The following TOP3B variants were observed in gnomAD, a reference collection of about 807,000 sequenced individuals.
TOP3B encodes DNA topoisomerase 3-beta-1.
TOP3B carries 45 observed loss-of-function variants against 93.9 expected under a neutral mutation model. The observed-to-expected ratio is 0.48, with a 90% CI of 0.38 to 0.61. TOP3B has a LOEUF of 0.61. TOP3B is among the 20% of genes least tolerant of loss of function. TOP3B has a pLI of 0.00. For missense variants in TOP3B, 750 were observed against 1,156.1 expected (o/e 0.65, Z 5.09); for synonymous variants, 357 against 472.6 (o/e 0.76, Z 3.17).
At chr22:21,960,775 GGCTT>G in intron 13 of TOP3B, 1 of 305,532 alleles carries the variant, frequency 3.3e-6, no homozygotes, top group South Asian at 3.8e-5. Flanking sequence ...TGACTTCTAT[GGCTT>G]CTCCTGCCTG....
chr22:21,972,374 G>A (rs1569154758), intron 4 of TOP3B: 3 of 485,964 alleles, frequency 6.2e-6, no homozygotes, highest in African/African-American at 4.0e-5. Context: ...GACCAAACAA[G>A]CTATTTTAAA....
chr22:21,970,218 T>C lies in TOP3B; in HGVS notation c.573A>G (p.Ala191=), dbSNP rs760594632. Residue 191 remains alanine (A), a synonymous_variant, in exon 6 of 18, where the codon GCA becomes GCG. Transcript: ENST00000357179. This position sits in a 1 kb window ranked among gnomAD's most constrained non-coding sequence, Gnocchi z 4.4. The part of the protein sequence containing the change: ...RQELDLRIGC[A]FTRFQTKYFQ... ...GCGGGTGTGGCCAGCACCTGGTGAA[T>C]GCACAGCCGATTCGCAGGTCCAGCT... 1.2e-6 allele frequency: 2 copies of C among 1,611,178 alleles called. No individual in the cohort carries two copies. Among genetic ancestry groups the C allele is most frequent in the African/African-American group, 1.3e-5 (1 of 74,902 alleles).
chr22:21,965,264 G>C (rs758764913), intron 9 of TOP3B, 21 bp downstream of exon 9: 1 of 1,557,700 alleles, frequency 6.4e-7, no homozygotes. Context: ...CTGGTGACTT[G>C]AGAGAAATGT....
At chr22:21,974,255 G>T in intron 3 of TOP3B, 102 bp downstream of exon 3, 1 of 1,431,212 alleles carries the variant, frequency 7.0e-7, no homozygotes, top group Non-Finnish European at 9.5e-7. Flanking sequence ...TCATGGAGTT[G>T]GGACAAACTT....
chr22:21,958,039 G>T lies in TOP3B; in HGVS notation c.2108-444C>A, dbSNP rs1030701934. On this transcript the variant is annotated intron_variant, in intron 17 of 17. Transcript: ENST00000357179. ...TTTCTGCAGAGCACACGGTGAATGT[G>T]GGCAGATGCCTCACTCCCGCTGATT... 33 of 1,309,334 alleles carry T rather than the reference G, an allele frequency of 2.5e-5. No individual in the cohort carries two copies. The African/African-American group carries it at 4.6e-4, about 18-fold the overall frequency. The allele number at this position is 1,309,334 out of a possible 1,614,324, so 81.1% of individuals were successfully genotyped here.
intron 1 of TOP3B, 136 bp from the exon 2 acceptor site, chr22:21,975,943 C>T (rs778098226): frequency 5.3e-5 from 25 of 474,624 alleles, no homozygotes; most frequent in Non-Finnish European, 8.1e-5. Context: ...ATTAGGGAAA[C>T]TTGAAGACAT....
intron 13 of TOP3B, 46 bp from the exon 14 acceptor site, chr22:21,960,495 C>A: frequency 6.2e-7 from 1 of 1,608,584 alleles, no homozygotes; most frequent in Non-Finnish European, 8.5e-7. Flanking sequence ...CTTGGACATG[C>A]CCCACTGAAC....
At chr22:21,966,561 G>C (rs2071422154) in intron 8 of TOP3B, 1 of 152,218 alleles carries the variant, frequency 6.6e-6, no homozygotes, top group Non-Finnish European at 1.5e-5. Flanking sequence ...AACTATTCTG[G>C]AATTTGTGTA....
chr22:21,978,287 G>A (rs1160644559), intron 1 of TOP3B, among the ~76,000 whole-genome samples: 1 of 152,018 alleles, frequency 6.6e-6, no homozygotes, highest in Non-Finnish European at 1.5e-5. Context: ...GGCAGAGCTG[G>A]GCATGGGCTC....
chr22:21,977,221 T>C (rs2071910795), intron 1 of TOP3B: 1 of 151,984 alleles, frequency 6.6e-6, no homozygotes, highest in Non-Finnish European at 1.5e-5. Flanking sequence ...AATAAAATAA[T>C]CTCAGCATAA....
intron 17 of TOP3B, chr22:21,957,987 T>G: frequency 4.4e-6 from 6 of 1,360,474 alleles, no homozygotes; most frequent in Non-Finnish European, 5.8e-6. Flanking sequence ...CGGGGCAGCC[T>G]GGGTGCAGAC....
At position 21,970,789 on chromosome 22, in the gene TOP3B, T is replaced by C. The variant is rs961350094; in HGVS notation, c.385-383A>G. ...CCAAACCCATCCCATGTGACACGAT[T>C]CCCTGCCTTCTAGGAGGGAGGGTTT... On this transcript the variant is annotated intron_variant, in intron 5 of 17. Coordinates refer to ENST00000357179, the MANE Select transcript of TOP3B (RefSeq NM_001282112.2). The surrounding 1 kb of genome is among the most constrained non-coding windows in gnomAD (Gnocchi z 4.4). 3 of 291,836 alleles carry C rather than the reference T, an allele frequency of 1.0e-5. No homozygotes were observed. The highest frequency in any genetic ancestry group is 6.5e-5 in the African/African-American group (3 of 46,426). 18.1% of individuals were successfully genotyped at this position (291,836 alleles called of 1,614,324 possible).
intron 15 of TOP3B, 104 bp downstream of exon 15, chr22:21,959,483 A>G (rs558448672): frequency 7.2e-5 from 109 of 1,516,776 alleles, no homozygotes; most frequent in Non-Finnish European, 9.0e-5. Flanking sequence ...CCTGAAGCCC[A>G]GATCTGGGAG....
intron 13 of TOP3B, 161 bp from the exon 14 acceptor site, chr22:21,960,610 GGGCACCAACTGCAT>G (rs1220939967): frequency 1.8e-5 from 17 of 926,274 alleles, no homozygotes; most frequent in Non-Finnish European, 2.7e-5. Flanking sequence ...GCACTGTGCT[GGGCACCAACTGCAT>G]GCATTTCATG....
At chr22:21,969,016 C>A (rs1163797270) in intron 6 of TOP3B, 2 of 508,436 alleles carry the variant, frequency 3.9e-6, no homozygotes, top group South Asian at 2.5e-5. Context: ...GGCCAGGGAG[C>A]CTTCTATTCT....
chr22:21,970,473 G>A lies in TOP3B; in HGVS notation c.385-67C>T. On this transcript the variant is annotated intron_variant, in intron 5 of 17. Coordinates refer to ENST00000357179, the MANE Select transcript of TOP3B (RefSeq NM_001282112.2). This position sits in a 1 kb window ranked among gnomAD's most constrained non-coding sequence, Gnocchi z 4.4. ...CCCTGCCACAGCTCCCCACCCCACT[G>A]TGAAGCCTGGTTCCTTCCAGGAAAG... 6.5e-7 allele frequency: 1 copy of A among 1,533,204 alleles called. No homozygotes were observed. The allele number at this position is 1,533,204 out of a possible 1,614,324, so 95.0% of individuals were successfully genotyped here. A position where few individuals can be genotyped will look rare whatever the true frequency, so the allele number is the denominator to read the frequency against.
intron 1 of TOP3B, chr22:21,976,501 G>A (rs1337343465): frequency 1.3e-5 from 2 of 152,256 alleles, no homozygotes; most frequent in East Asian, 1.9e-4. Flanking sequence ...CTGCCTGAGA[G>A]AAAGCTCCGC....
At chr22:21,982,345 C>T (rs1270318827) in intron 1 of TOP3B, 2 of 152,252 alleles carry the variant, frequency 1.3e-5, no homozygotes, top group Admixed American at 6.5e-5. Context: ...GTGGAAGCTG[C>T]CTGGGTGTGT....
At chr22:21,975,884 CAAAG>C (rs1294851361) in intron 1 of TOP3B, 77 bp from the exon 2 acceptor site, 5 of 1,063,572 alleles carry the variant, frequency 4.7e-6, no homozygotes, top group Non-Finnish European at 6.0e-6. Context: ...ATCACTTTAA[CAAAG>C]AAAAAACAAG....
Sources: gnomAD v4.1 joint callset for allele counts (sites outside exome capture counted in the v4.1 genomes callset) on GRCh38, gnomAD v4.1.1 for gene constraint, Gnocchi (gnomAD v3.1) non-coding constraint, MANE v1.5 for transcripts, NCBI Gene and HGNC (gene_info 2026-07-23, HGNC 2026-07-21) for gene names.